RPRD2: variants seen among roughly 807,000 people sequenced by gnomAD.
RPRD2 encodes regulation of nuclear pre-mRNA domain-containing protein 2.
In RPRD2, 12 loss-of-function variants were observed where a neutral mutation model predicts 104.4. That is an observed-to-expected ratio of 0.11 (90% CI 0.07 to 0.19). The LOEUF is 0.19. RPRD2 is among the 10% of genes least tolerant of loss of function. The pLI, the probability that RPRD2 is intolerant of heterozygous loss-of-function variation, is 1.00. For missense variants in RPRD2, 1,543 were observed against 1,790.1 expected (o/e 0.86, Z 2.49); for synonymous variants, 714 against 684.9 (o/e 1.04, Z -0.66).
chr1:150,455,629 TAA>T (rs59418711), intron 7 of RPRD2, among the ~76,000 whole-genome samples: 60 of 141,184 alleles, frequency 4.2e-4, no homozygotes, highest in Middle Eastern at 3.5e-3. Context: ...GGACATTAGG[TAA>T]AAAAAAAAAA....
chr1:150,427,426 T>C (rs150407733), intron 2 of RPRD2, among the ~76,000 whole-genome samples: 2,080 of 151,074 alleles, frequency 0.014, 53 homozygotes, highest in African/African-American at 0.048. Context: ...TGAGCCGAGA[T>C]TGCCCCACTG....
At chr1:150,437,603 A>C (rs1222911960) in intron 2 of RPRD2, among the ~76,000 whole-genome samples, 1 of 152,098 alleles carries the variant, frequency 6.6e-6, no homozygotes, top group Non-Finnish European at 1.5e-5. Context: ...TTTTAGAGAC[A>C]GAGTCTTACT....
chr1:150,430,225 G>A (rs1471786462), intron 2 of RPRD2, among the ~76,000 whole-genome samples: 2 of 152,210 alleles, frequency 1.3e-5, no homozygotes, highest in African/African-American at 4.8e-5. Context: ...TGAAATGTTA[G>A]AGGAAGATTA....
In RPRD2 at chr1:150,472,502, G is replaced by A. The variant is rs767902881; in HGVS notation, c.3554G>A (p.Ser1185Asn). 1.2e-6 allele frequency: 2 copies of A among 1,613,964 alleles called. No individual in the cohort carries two copies. Among genetic ancestry groups the A allele is most frequent in the Non-Finnish European group, 1.7e-6 (2 of 1,179,874 alleles). ...QESVGSFRSN[S>N]FNSTFEHHLP... ...AGTGTCGGCAGCTTTCGTTCCAACA[G>A]TTTCAACTCAACATTTGAGCATCAT... Residue 1185 changes from serine (S) to asparagine (N), a missense_variant, in exon 11 of 11, where the codon AGT becomes AAT. Transcript: ENST00000369068.
chr1:150,439,546 A>G (rs942815738), intron 2 of RPRD2, among the ~76,000 whole-genome samples: 2 of 152,194 alleles, frequency 1.3e-5, no homozygotes, highest in Admixed American at 6.5e-5. Flanking sequence ...ATTCTTAGGC[A>G]AGAAAAAAAT....
In RPRD2 at chr1:150,452,948, G is replaced by A. The variant is rs587722550; in HGVS notation, c.871-4340G>A. Reference sequence around the variant, plus strand: ...GCCTCCCAAAGTGCTGAGATTACAGGCGTGAGCCACTGGCACCACTTTTTT... The same window carrying A: ...GCCTCCCAAAGTGCTGAGATTACAGACGTGAGCCACTGGCACCACTTTTTT... On this transcript the variant is annotated intron_variant, in intron 7 of 10. Coordinates refer to ENST00000369068, the MANE Select transcript of RPRD2 (RefSeq NM_015203.5). Among the ~76,000 whole-genome samples, 73 of 152,024 alleles carry A rather than the reference G, an allele frequency of 4.8e-4. No homozygotes were observed. The Middle Eastern group carries it at 0.01, about 21-fold the overall frequency.
chr1:150,471,727 C>T lies in RPRD2; in HGVS notation c.2779C>T (p.Arg927Trp), dbSNP rs1362206279. ...AAGAGGGAATGAACCTGGGTCTGAC[C>T]GGTCACCATCACCGAGTAAGAATGA... ...SVRGNEPGSD[R>W]SPSPSKNDSF... Residue 927 changes from arginine to tryptophan, a missense_variant, in exon 11 of 11, where the codon CGG becomes TGG. This residue lies in a region of RPRD2 where 880 missense variants were observed against 885.6 expected (regional missense o/e 0.99). Coordinates refer to ENST00000369068, the MANE Select transcript of RPRD2 (RefSeq NM_015203.5). This position sits in a 1 kb window ranked among gnomAD's most constrained non-coding sequence, Gnocchi z 5.3. 13 of 1,613,848 alleles carry T rather than the reference C, an allele frequency of 8.1e-6. No homozygotes were observed. The highest frequency in any genetic ancestry group is 6.7e-5 in the East Asian group (3 of 44,862).
intron 7 of RPRD2, among the ~76,000 whole-genome samples, chr1:150,452,819 C>T (rs1042755404): frequency 2.0e-5 from 3 of 151,620 alleles, no homozygotes; most frequent in Non-Finnish European, 4.4e-5. Context: ...TACAGGCATT[C>T]GCCACCACGC....
intron 1 of RPRD2, among the ~76,000 whole-genome samples, chr1:150,374,198 C>T (rs190763989): frequency 6.7e-4 from 102 of 152,214 alleles, no homozygotes; most frequent in African/African-American, 2.3e-3. Context: ...ATTAATTATG[C>T]CTTCATAACG....
intron 2 of RPRD2, among the ~76,000 whole-genome samples, chr1:150,434,677 G>A (rs1665875300): frequency 6.6e-6 from 1 of 151,832 alleles, no homozygotes; most frequent in African/African-American, 2.4e-5. Context: ...TTAGCCAGGT[G>A]GTAGTGGTGT....
At position 150,433,415 on chromosome 1, in the gene RPRD2, T is replaced by TATAC. The variant is rs139058008; in HGVS notation, c.336-7507_336-7506insTACA. ...ATATATAATATATATATACTATATATACACACACACACACACAGACATAAT... is the reference window on the plus strand; with the variant it reads ...ATATATAATATATATATACTATATATATACACACACACACACACACAGACATAAT... On this transcript the variant is annotated intron_variant, in intron 2 of 10. Transcript: ENST00000369068. 1.0e-4 allele frequency among the ~76,000 whole-genome samples: 14 copies of TATAC among 136,950 alleles called. 1 individual carries two copies. The South Asian group carries it at 2.9e-3, about 28-fold the overall frequency. The allele number at this position is 136,950 out of a possible 152,430, so 89.8% of individuals were successfully genotyped here. A position where few individuals can be genotyped will look rare whatever the true frequency, so the allele number is the denominator to read the frequency against.
chr1:150,457,986 G>A (rs1292123852), intron 8 of RPRD2, among the ~76,000 whole-genome samples: 7 of 152,058 alleles, frequency 4.6e-5, no homozygotes, highest in African/African-American at 1.4e-4. Flanking sequence ...CAAGAGAATC[G>A]CTTGAACCTG....
Position 150,460,089 on chromosome 1 carries a change from A to G in RPRD2, c.1183A>G (p.Lys395Glu), listed in dbSNP as rs1423281745. ...GGACAGGAAGGAAAAACCTGCAGAG[A>G]AGTCAGCTGTATCCACTTCTGTACC... ...VEDRKEKPAE[K>E]SAVSTSVPTK... The change falls in exon 9 of 11, where the codon AAG becomes GAG. Residue 395 changes from lysine (K) to glutamate (E), a missense_variant. Lys to Glu is a moderately conservative substitution (Grantham distance 56). Coordinates refer to ENST00000369068, the MANE Select transcript of RPRD2 (RefSeq NM_015203.5). 3.7e-6 allele frequency: 6 copies of G among 1,613,988 alleles called. No homozygotes were observed. Among genetic ancestry groups the G allele is most frequent in the Non-Finnish European group, 5.1e-6 (6 of 1,179,864 alleles).
chr1:150,394,833 G>A (rs1033771946), intron 1 of RPRD2, among the ~76,000 whole-genome samples: 3 of 151,694 alleles, frequency 2.0e-5, no homozygotes, highest in East Asian at 1.9e-4. Context: ...CTGTTTCCTC[G>A]GCCTCCCAAA....
chr1:150,467,831 G>A (rs910961480), intron 10 of RPRD2, among the ~76,000 whole-genome samples: 2 of 152,066 alleles, frequency 1.3e-5, no homozygotes, highest in African/African-American at 4.8e-5. Context: ...TTCTGATTGT[G>A]TCATCCACAG....
chr1:150,375,997 T>A (rs1196284709), intron 1 of RPRD2, among the ~76,000 whole-genome samples: 1 of 152,190 alleles, frequency 6.6e-6, no homozygotes, highest in Non-Finnish European at 1.5e-5. Flanking sequence ...GGAATGTACA[T>A]CTTAGGGAGA....
At chr1:150,420,292 G>T (rs1560187509) in intron 2 of RPRD2, among the ~76,000 whole-genome samples, 1 of 151,288 alleles carries the variant, frequency 6.6e-6, no homozygotes, top group African/African-American at 2.4e-5. Context: ...CAACTACTTT[G>T]TGTGTTACTA....
chr1:150,372,172 C>G (rs1485473638), intron 1 of RPRD2, among the ~76,000 whole-genome samples: 1 of 152,144 alleles, frequency 6.6e-6, no homozygotes, highest in African/African-American at 2.4e-5. Flanking sequence ...TGGGTAGATA[C>G]AGACCCTAAC....
intron 1 of RPRD2, among the ~76,000 whole-genome samples, chr1:150,383,228 CA>C (rs1385137036): frequency 2.0e-5 from 3 of 151,382 alleles, no homozygotes; most frequent in African/African-American, 7.3e-5. Flanking sequence ...CTCCTGGACT[CA>C]AGCTATCCTC....
Sources: allele counts gnomAD v4.1 joint callset (sites outside exome capture counted in the v4.1 genomes callset), GRCh38; gene constraint gnomAD v4.1.1; regional missense constraint gnomAD v4.1.1; non-coding constraint Gnocchi (gnomAD v3.1); transcripts MANE v1.5; gene names NCBI Gene and HGNC (gene_info 2026-07-23, HGNC 2026-07-21).